SLC6A15: variants seen among roughly 807,000 people sequenced by gnomAD.
SLC6A15 encodes sodium-dependent neutral amino acid transporter B(0)AT2.
In SLC6A15, 33 loss-of-function variants were observed where a neutral mutation model predicts 68.5. The observed-to-expected ratio is 0.48, with a 90% CI of 0.37 to 0.64. The LOEUF (loss-of-function observed/expected upper bound fraction) is 0.64. Ranked by LOEUF, SLC6A15 falls within the 30% of genes least tolerant of loss-of-function variation. The pLI, the probability that SLC6A15 is intolerant of heterozygous loss-of-function variation, is 0.00. For missense variants in SLC6A15, 747 were observed against 874.3 expected (o/e 0.85, Z 1.84); for synonymous variants, 347 against 301.0 (o/e 1.15, Z -1.58).
At chr12:84,890,752 G>A (rs914530779) in intron 2 of SLC6A15, among the ~76,000 whole-genome samples, 1 of 151,876 alleles carries the variant, frequency 6.6e-6, no homozygotes, top group African/African-American at 2.4e-5. Context: ...CATACGCATG[G>A]GTTTTATTAT....
At chr12:84,902,565 T>C (rs112809032) in intron 1 of SLC6A15, among the ~76,000 whole-genome samples, 6,983 of 152,062 alleles carry the variant, frequency 0.046, 528 homozygotes, top group African/African-American at 0.16. Flanking sequence ...ATAGCAGCTT[T>C]ACTTATAATA....
At chr12:84,867,230 T>C (rs1871103409) in intron 9 of SLC6A15, 37 bp from the exon 10 acceptor site, 2 of 1,523,302 alleles carry the variant, frequency 1.3e-6, no homozygotes, top group South Asian at 1.3e-5. Flanking sequence ...TGAGACTCTA[T>C]TCAGAGACAA....
Position 84,876,524 on chromosome 12 carries a change from A to G in SLC6A15, c.840T>C (p.Asp280=), listed in dbSNP as rs1179109762. The G allele has an allele frequency of 1.3e-6, 2 of 1,596,578 alleles. No homozygotes were observed. The highest frequency in any genetic ancestry group is 8.5e-7 in the Non-Finnish European group (1 of 1,171,138). ...TAGGGGTAAACATGTGGCGAATGCC[A>G]TCAATTGAACCATTTAAAAGGAATG... is the stretch of plus-strand genomic sequence containing the variant. ...IRAFLLNGSI[D]GIRHMFTPKL... The change falls in exon 6 of 12, where the codon GAT becomes GAC. Residue 280 remains aspartate (D), a synonymous_variant. Coordinates refer to ENST00000266682, the MANE Select transcript of SLC6A15 (RefSeq NM_182767.6).
In SLC6A15 at chr12:84,861,620, C is replaced by A; in HGVS notation, c.*12G>T. 1 of 1,579,748 alleles carries A rather than the reference C, an allele frequency of 6.3e-7. No homozygotes were observed. The highest frequency in any genetic ancestry group is 2.3e-5 in the East Asian group (1 of 44,414). ...AAATGAACCAAATAAAACCCACTGA[C>A]TTTTCCCCCAGCTACAAATCAGATT... On this transcript the variant is annotated 3_prime_UTR_variant, in exon 12 of 12. Transcript: ENST00000266682.
intron 6 of SLC6A15, among the ~76,000 whole-genome samples, chr12:84,874,692 C>T (rs749353923): frequency 4.6e-5 from 7 of 152,090 alleles, no homozygotes; most frequent in South Asian, 2.1e-4. Context: ...ACCATTGCTA[C>T]ATCATATTCT....
At chr12:84,866,325 A>G (rs1871064528) in intron 10 of SLC6A15, among the ~76,000 whole-genome samples, 1 of 152,152 alleles carries the variant, frequency 6.6e-6, no homozygotes, top group South Asian at 2.1e-4. Flanking sequence ...TCAAATACAT[A>G]CACTTTTCAC....
Position 84,872,937 on chromosome 12 carries a change from AT to A in SLC6A15, c.1110-144del, listed in dbSNP as rs1342766967. The A allele has an allele frequency of 3.3e-6, 4 of 1,222,426 alleles. No homozygotes were observed. In the Admixed American group the frequency reaches 1.1e-4, roughly 34 times the overall value. 75.7% of individuals were successfully genotyped at this position (1,222,426 alleles called of 1,614,324 possible). A position where few individuals can be genotyped will look rare whatever the true frequency, so the allele number is the denominator to read the frequency against. On this transcript the variant is annotated intron_variant, in intron 7 of 11. Coordinates refer to ENST00000266682, the MANE Select transcript of SLC6A15 (RefSeq NM_182767.6). ...TAATGTTTGAGGTGATGACTATCCC[AT>A]TTACCCAGATTTGACCATTATACAT...
intron 8 of SLC6A15, among the ~76,000 whole-genome samples, chr12:84,872,189 T>A (rs1309324273): frequency 6.6e-6 from 1 of 151,456 alleles, no homozygotes; most frequent in Non-Finnish European, 1.5e-5. Flanking sequence ...TCATGACTTG[T>A]GGAACACAAC....
chr12:84,904,385 C>T (rs771576116), intron 1 of SLC6A15, among the ~76,000 whole-genome samples: 1 of 152,090 alleles, frequency 6.6e-6, no homozygotes, highest in Non-Finnish European at 1.5e-5. Context: ...GCCCAACCAC[C>T]CCACAGAAGA....
chr12:84,899,166 G>A (rs1227651830), intron 1 of SLC6A15, among the ~76,000 whole-genome samples: 1 of 152,186 alleles, frequency 6.6e-6, no homozygotes, highest in Non-Finnish European at 1.5e-5. Flanking sequence ...CAATGTACAA[G>A]TGCTACTAGA....
chr12:84,911,124 G>A (rs148911318), intron 1 of SLC6A15, among the ~76,000 whole-genome samples: 2,382 of 152,212 alleles, frequency 0.016, 64 homozygotes, highest in African/African-American at 0.052. Context: ...GTGGGTGAGG[G>A]GCTTGTTGGG....
At chr12:84,911,766 G>T (rs1021032119) in intron 1 of SLC6A15, among the ~76,000 whole-genome samples, 2 of 152,116 alleles carry the variant, frequency 1.3e-5, no homozygotes, top group African/African-American at 4.8e-5. Context: ...AGGTAGAAAC[G>T]ATCTGGGTTT....
chr12:84,884,020 G>C lies in SLC6A15; in HGVS notation c.595C>G (p.Gln199Glu). The part of the protein sequence containing the change: ...SHTFVEPECE[Q>E]SSATTYYWYR... ...CAGTAATAGGTGGTGGCAGAACTTT[G>C]TTCACATTCTGGTTCTACAACTGTA... The change falls in exon 5 of 12, where the codon CAA (glutamine) becomes GAA (glutamate). Residue 199 changes from glutamine (Q) to glutamate (E), a missense_variant. Coordinates refer to ENST00000266682, the MANE Select transcript of SLC6A15 (RefSeq NM_182767.6). The C allele has an allele frequency of 6.2e-7, 1 of 1,613,940 alleles. No homozygotes were observed. Among genetic ancestry groups the C allele is most frequent in the Non-Finnish European group, 8.5e-7 (1 of 1,179,854 alleles).
At chr12:84,907,151 C>G (rs529127612) in intron 1 of SLC6A15, among the ~76,000 whole-genome samples, 1 of 152,076 alleles carries the variant, frequency 6.6e-6, no homozygotes, top group South Asian at 2.1e-4. Flanking sequence ...AGATTGAGAC[C>G]ATCCTGGCTA....
At chr12:84,878,845 G>C (rs1871684195) in intron 5 of SLC6A15, among the ~76,000 whole-genome samples, 1 of 147,264 alleles carries the variant, frequency 6.8e-6, no homozygotes. Flanking sequence ...CTGTCCCTTT[G>C]CTTCACCTCT....
rs754619765 is a variant in SLC6A15, at chr12:84,885,580, T to C, written c.448-19A>G. ...AGCACACCTGCAAAATAAAATGATA[T>C]CCCATTAAACCTCTCATACCTCTTC... On this transcript the variant is annotated intron_variant, in intron 3 of 11. Coordinates refer to ENST00000266682, the MANE Select transcript of SLC6A15 (RefSeq NM_182767.6). 3 of 1,606,540 alleles carry C rather than the reference T, an allele frequency of 1.9e-6. No homozygotes were observed. The highest frequency in any genetic ancestry group is 2.2e-5 in the East Asian group (1 of 44,456).
intron 2 of SLC6A15, 61 bp from the exon 3 acceptor site, chr12:84,886,129 C>T: frequency 8.9e-7 from 1 of 1,124,334 alleles, no homozygotes; most frequent in Non-Finnish European, 1.3e-6. Context: ...TACACTAGTT[C>T]AGTTTATCCC....
rs182241113 is a variant in SLC6A15 at position 84,876,721 on chromosome 12, T to C, written c.757-114A>G. The C allele has an allele frequency of 1.2e-3, 642 of 523,108 alleles. 5 individuals are homozygous for C. Among genetic ancestry groups the C allele is most frequent in the African/African-American group, 0.011 (563 of 50,416 alleles). The allele number at this position is 523,108 out of a possible 1,614,324, so 32.4% of individuals were successfully genotyped here. A position where few individuals can be genotyped will look rare whatever the true frequency, so the allele number is the denominator to read the frequency against. ...AGTCACTGTTTCATGACAGGATTAA[T>C]AAAACTATTAATAACTTCTAAAGCC... On this transcript the variant is annotated intron_variant, in intron 5 of 11. Coordinates refer to ENST00000266682, the MANE Select transcript of SLC6A15 (RefSeq NM_182767.6).
chr12:84,899,468 G>A (rs909201111), intron 1 of SLC6A15, among the ~76,000 whole-genome samples: 3 of 152,200 alleles, frequency 2.0e-5, no homozygotes, highest in Admixed American at 6.5e-5. Flanking sequence ...TGCCCAGGCT[G>A]TAAATACTAC....
Sources: allele counts gnomAD v4.1 joint callset (sites outside exome capture counted in the v4.1 genomes callset), GRCh38; gene constraint gnomAD v4.1.1; transcripts MANE v1.5; gene names NCBI Gene and HGNC (gene_info 2026-07-23, HGNC 2026-07-21).